FUBP3: variants seen among roughly 807,000 people sequenced by gnomAD.
The protein encoded by FUBP3 is far upstream element binding protein 3.
Under a neutral mutation model 85.6 loss-of-function variants are expected in FUBP3, and 28 were observed. The observed-to-expected ratio is 0.33, with a 90% confidence interval of 0.24 to 0.45. The LOEUF is 0.45. Among genes scored for constraint, FUBP3 ranks in the 20% least tolerant of loss-of-function variants. The pLI, the probability that FUBP3 is intolerant of heterozygous loss-of-function variation, is 1.00. For synonymous variants in FUBP3, 271 were observed against 271.4 expected (o/e 1.00, Z 0.01); for missense variants, 583 against 755.1 (o/e 0.77, Z 2.67).
intron 12 of FUBP3, among the ~76,000 whole-genome samples, chr9:130,628,073 G>A (rs1035411473): frequency 2.0e-5 from 3 of 148,854 alleles, no homozygotes; most frequent in African/African-American, 7.6e-5. Context: ...CACACACACC[G>A]CACTAAACAC....
At chr9:130,614,100 C>T (rs899226411) in intron 5 of FUBP3, among the ~76,000 whole-genome samples, 188 bp from the exon 6 acceptor site, 1 of 152,248 alleles carries the variant, frequency 6.6e-6, no homozygotes, top group Admixed American at 6.5e-5. Context: ...CTTGTTTCTA[C>T]TTCGAGAATC....
chr9:130,624,904 G>A (rs985600315), intron 11 of FUBP3, among the ~76,000 whole-genome samples: 1 of 152,048 alleles, frequency 6.6e-6, no homozygotes, highest in Admixed American at 6.6e-5. Context: ...TGACCAACAT[G>A]GTGAAACCCT....
At position 130,599,349 on chromosome 9, in the gene FUBP3, ATATAAG is replaced by A. The variant is rs1272523173; in HGVS notation, c.190+3766_190+3771del. Among the ~76,000 whole-genome samples the A allele has an allele frequency of 6.5e-5, 7 of 107,514 alleles. No individual in the cohort carries two copies. The South Asian group carries it at 1.8e-3, about 28-fold the overall frequency. The allele number at this position is 107,514 out of a possible 152,430, so 70.5% of individuals were successfully genotyped here. A position where few individuals can be genotyped will look rare whatever the true frequency, so the allele number is the denominator to read the frequency against. On this transcript the variant is annotated intron_variant, in intron 2 of 18. Coordinates refer to ENST00000319725, the MANE Select transcript of FUBP3 (RefSeq NM_003934.2). ...TATATACACACATATATACACATAT[ATATAAG>A]TATATGTGTGTGTGTGTGTGTGTGT...
In FUBP3 at chr9:130,611,262, T is replaced by C. The variant is rs111933646; in HGVS notation, c.225-1194T>C. Among the ~76,000 whole-genome samples the C allele has an allele frequency of 7.5e-4, 115 of 152,320 alleles. 1 individual carries two copies. Among genetic ancestry groups the C allele is most frequent in the Middle Eastern group, 6.8e-3 (2 of 294 alleles). On this transcript the variant is annotated intron_variant, in intron 3 of 18. Transcript: ENST00000319725. The stretch of plus-strand genomic sequence containing the variant: ...CCTGGCCACACGCACAAGAGCCCTG[T>C]CATCCCTCATAACAAGGTCAGGAAG...
intron 1 of FUBP3, among the ~76,000 whole-genome samples, chr9:130,583,707 C>A (rs950296019): frequency 1.3e-5 from 2 of 152,166 alleles, no homozygotes; most frequent in Non-Finnish European, 2.9e-5. Flanking sequence ...GAGTACCTGG[C>A]GGAGTGAGTC....
intron 1 of FUBP3, among the ~76,000 whole-genome samples, chr9:130,589,006 T>C (rs555151964): frequency 6.6e-6 from 1 of 152,278 alleles, no homozygotes; most frequent in Admixed American, 6.5e-5. Context: ...AGCCTTCACC[T>C]CTGCTTGCTG....
chr9:130,616,515 C>G lies in FUBP3; in HGVS notation c.565C>G (p.Gln189Glu). 1 of 1,613,980 alleles carries G rather than the reference C, an allele frequency of 6.2e-7. No individual in the cohort carries two copies. The highest frequency in any genetic ancestry group is 1.1e-5 in the South Asian group (1 of 91,080). ...GRGGETIKQLQERTGVKMVMI... is the reference protein window; with the variant it reads ...GRGGETIKQLEERTGVKMVMI... ...AGGAGGGGAAACAATCAAGCAGTTGCAGGTGTGTGAGCCCGGAGCACGGAG... is the reference window on the plus strand; with the variant it reads ...AGGAGGGGAAACAATCAAGCAGTTGGAGGTGTGTGAGCCCGGAGCACGGAG... Residue 189 changes from glutamine to glutamate, a missense_variant and splice_region_variant, in exon 7 of 19, where the codon CAG (glutamine) becomes GAG (glutamate). Physicochemically the swap from Gln to Glu is conservative, Grantham distance 29. This residue lies in a region of FUBP3 where 404 missense variants were observed against 516.8 expected (regional missense o/e 0.78). Transcript: ENST00000319725. The surrounding 1 kb of genome is among the most constrained non-coding windows in gnomAD (Gnocchi z 4.7).
chr9:130,624,957 C>T (rs186076349), intron 11 of FUBP3, among the ~76,000 whole-genome samples: 11 of 152,254 alleles, frequency 7.2e-5, no homozygotes, highest in Non-Finnish European at 1.5e-4. Context: ...TGGTGGCTCA[C>T]GCCTGTAATC....
rs1451045362 is a variant in FUBP3 at position 130,612,618 on chromosome 9, A to T, written c.274+113A>T. 4.0e-6 allele frequency: 3 copies of T among 749,078 alleles called. No individual in the cohort carries two copies. The highest frequency in any genetic ancestry group is 7.1e-6 in the Non-Finnish European group (3 of 422,074). 46.4% of individuals were successfully genotyped at this position (749,078 alleles called of 1,614,324 possible). A position where few individuals can be genotyped will look rare whatever the true frequency, so the allele number is the denominator to read the frequency against. Reference sequence around the variant, plus strand: ...TTTTGTTTTAATCTCTCTTGTGAGTATCACCTGTAGTAGAATGCTTTGCAC... The same window carrying T: ...TTTTGTTTTAATCTCTCTTGTGAGTTTCACCTGTAGTAGAATGCTTTGCAC... On this transcript the variant is annotated intron_variant, in intron 4 of 18. Transcript: ENST00000319725. The surrounding 1 kb of genome is among the most constrained non-coding windows in gnomAD (Gnocchi z 4.1).
intron 11 of FUBP3, among the ~76,000 whole-genome samples, chr9:130,624,768 C>CT (rs1174098231): frequency 6.6e-6 from 1 of 152,098 alleles, no homozygotes; most frequent in Non-Finnish European, 1.5e-5. Flanking sequence ...TAAATGATCT[C>CT]TAACATCCTT....
intron 1 of FUBP3, 71 bp downstream of exon 1, chr9:130,579,835 C>T: frequency 1.2e-6 from 1 of 850,834 alleles, no homozygotes; most frequent in Non-Finnish European, 1.6e-6. Flanking sequence ...AAGAGGGGTT[C>T]GGGCCTGGGG....
chr9:130,636,515 C>G (rs1229269276), intron 18 of FUBP3, among the ~76,000 whole-genome samples: 1 of 152,240 alleles, frequency 6.6e-6, no homozygotes, highest in Non-Finnish European at 1.5e-5. Flanking sequence ...GTGGAGTGGC[C>G]AGGCCGTCAG....
At chr9:130,604,930 T>C (rs1343923238) in intron 2 of FUBP3, among the ~76,000 whole-genome samples, 2 of 151,046 alleles carry the variant, frequency 1.3e-5, no homozygotes, top group Admixed American at 6.6e-5. Context: ...GAAATACCAC[T>C]CCCAATGTGA....
chr9:130,625,812 C>A (rs1416462870), intron 11 of FUBP3, among the ~76,000 whole-genome samples: 1 of 152,158 alleles, frequency 6.6e-6, no homozygotes, highest in African/African-American at 2.4e-5. Context: ...GAACCTGTTA[C>A]TGCTGCTGCT....
intron 1 of FUBP3, among the ~76,000 whole-genome samples, chr9:130,592,675 C>T (rs1473587078): frequency 6.6e-6 from 1 of 151,818 alleles, no homozygotes; most frequent in Non-Finnish European, 1.5e-5. Context: ...TCCTGAGTAG[C>T]CGGGACTACA....
intron 12 of FUBP3, among the ~76,000 whole-genome samples, chr9:130,630,049 T>C (rs768864001): frequency 1.8e-4 from 28 of 152,212 alleles, no homozygotes; most frequent in Non-Finnish European, 3.1e-4. Flanking sequence ...TTGCACTGCC[T>C]GTGTAGACCG....
chr9:130,628,093 C>CGCAT (rs1554745905), intron 12 of FUBP3, among the ~76,000 whole-genome samples: 1 of 132,668 alleles, frequency 7.5e-6, no homozygotes, highest in African/African-American at 2.8e-5. Context: ...CACGCACGCA[C>CGCAT]GCACGCACGC....
chr9:130,605,097 T>C (rs1588134596), intron 2 of FUBP3, among the ~76,000 whole-genome samples: 1 of 152,218 alleles, frequency 6.6e-6, no homozygotes, highest in East Asian at 1.9e-4. Flanking sequence ...ACCCCCTATA[T>C]TGATTTCATG....
chr9:130,632,151 CAG>C lies in FUBP3; in HGVS notation c.1434-50_1434-49del, dbSNP rs539930739. The C allele has an allele frequency of 5.7e-4, 866 of 1,507,946 alleles. 2 individuals carry two copies. The highest frequency in any genetic ancestry group is 2.9e-3 in the African/African-American group (211 of 72,960). 93.4% of individuals were successfully genotyped at this position (1,507,946 alleles called of 1,614,324 possible). A position where few individuals can be genotyped will look rare whatever the true frequency, so the allele number is the denominator to read the frequency against. On this transcript the variant is annotated intron_variant, in intron 15 of 18. Transcript: ENST00000319725. Reference sequence around the variant, plus strand: ...AGGTGAGCAGTGAAGAGGGAGACGACAGGGGTGACTTGCCCCCTATAGGAACG... The same window carrying C: ...AGGTGAGCAGTGAAGAGGGAGACGACGGGTGACTTGCCCCCTATAGGAACG...
Sources: allele counts gnomAD v4.1 joint callset (sites outside exome capture counted in the v4.1 genomes callset), GRCh38; gene constraint gnomAD v4.1.1; regional missense constraint gnomAD v4.1.1; non-coding constraint Gnocchi (gnomAD v3.1); transcripts MANE v1.5; gene names NCBI Gene and HGNC (gene_info 2026-07-23, HGNC 2026-07-21).